The following MEGF8 variants were observed in gnomAD, a reference collection of about 807,000 sequenced individuals.
MEGF8 encodes multiple epidermal growth factor-like domains protein 8.
MEGF8 carries 156 observed loss-of-function variants against 302.9 expected under a neutral mutation model. The ratio of observed to expected loss-of-function variants is 0.52; its 90% CI spans 0.45 to 0.59. MEGF8 has a LOEUF of 0.59. Ranked by LOEUF, MEGF8 falls within the 20% of genes least tolerant of loss-of-function variation. The probability of loss-of-function intolerance (pLI) is 0.00; values close to 1 mark genes in which losing one functional copy is unlikely to be tolerated. For synonymous variants in MEGF8, 1,621 were observed against 1,660.5 expected (o/e 0.98, Z 0.58); for missense variants, 3,345 against 3,964.5 (o/e 0.84, Z 4.20).
Position 42,333,637 on chromosome 19 carries a change from T to A in MEGF8, c.220T>A (p.Phe74Ile), listed in dbSNP as rs2039083418. The change falls in exon 2 of 42, where the codon TTC becomes ATC. Residue 74 changes from phenylalanine to isoleucine, a missense_variant. Physicochemically the swap from Phe to Ile is conservative, Grantham distance 21 (BLOSUM62 0). Transcript: ENST00000251268. ...CCCCCAGCACCGGATCCTGCTGGAC[T>A]TCCTTTTCCTGGACACAGAGTGCAC... ...PSPQHRILLD[F>I]LFLDTECTYD... 2 of 1,613,852 alleles carry A rather than the reference T, an allele frequency of 1.2e-6. No individual in the cohort carries two copies. The highest frequency in any genetic ancestry group is 1.7e-6 in the Non-Finnish European group (2 of 1,179,870).
Position 42,353,407 on chromosome 19 carries a change from G to T in MEGF8, c.3551-58G>T. On this transcript the variant is annotated intron_variant, in intron 20 of 41. Coordinates refer to ENST00000251268, the MANE Select transcript of MEGF8 (RefSeq NM_001271938.2). The surrounding 1 kb of genome is among the most constrained non-coding windows in gnomAD (Gnocchi z 6.1). ...GGTCAGGGTTTAGCTGAGCCAGTAG[G>T]CCTGGGCCTGTTTCCACCCTTGACT... 1 of 1,563,550 alleles carries T rather than the reference G, an allele frequency of 6.4e-7. No homozygotes were observed. Among genetic ancestry groups the T allele is most frequent in the Middle Eastern group, 2.3e-4 (1 of 4,378 alleles).
At position 42,356,884 on chromosome 19, in the gene MEGF8, G is replaced by A. The variant is rs759275421; in HGVS notation, c.4733G>A (p.Arg1578His). The change falls in exon 27 of 42, where the codon CGT becomes CAT. Residue 1578 changes from arginine to histidine, a missense_variant. Transcript: ENST00000251268. This position sits in a 1 kb window ranked among gnomAD's most constrained non-coding sequence, Gnocchi z 5.2. ...FHAAAYVPAG[R>H]GAMYLLGGLT... is the part of the protein sequence containing the mutation. ...GCAGCCGCATATGTGCCCGCTGGCCGTGGTGCCATGTATCTGCTGGGGGGA... is the reference window on the plus strand; with the variant it reads ...GCAGCCGCATATGTGCCCGCTGGCCATGGTGCCATGTATCTGCTGGGGGGA... The A allele has an allele frequency of 1.3e-4, 206 of 1,603,618 alleles. No individual in the cohort carries two copies. The highest frequency in any genetic ancestry group is 1.2e-3 in the Middle Eastern group (7 of 6,068).
chr19:42,348,545 G>A, intron 13 of MEGF8, 73 bp downstream of exon 13: 6 of 1,368,078 alleles, frequency 4.4e-6, no homozygotes, highest in Non-Finnish European at 5.8e-6. Context: ...TAGAGCATCT[G>A]TGGTGATTTG....
chr19:42,330,573 C>G (rs2039042857), intron 1 of MEGF8, among the ~76,000 whole-genome samples: 1 of 152,180 alleles, frequency 6.6e-6, no homozygotes, highest in Non-Finnish European at 1.5e-5. Flanking sequence ...TGAGGGAGAG[C>G]TTCCAGCTTT....
chr19:42,372,070 A>AAAC (rs1312133057), intron 41 of MEGF8, among the ~76,000 whole-genome samples: 1 of 143,482 alleles, frequency 7.0e-6, no homozygotes, highest in African/African-American at 2.7e-5. Flanking sequence ...CAACAACAAC[A>AAAC]ACAAACACAC....
rs568182296 is a variant in MEGF8 at position 42,370,428 on chromosome 19, G to C, written c.7005+69G>C. 72 of 1,339,730 alleles carry C rather than the reference G, an allele frequency of 5.4e-5. No individual in the cohort carries two copies. In the African/African-American group the frequency reaches 9.5e-4, roughly 18 times the overall value. The allele number at this position is 1,339,730 out of a possible 1,614,324, so 83.0% of individuals were successfully genotyped here. On this transcript the variant is annotated intron_variant, in intron 39 of 41. Coordinates refer to ENST00000251268, the MANE Select transcript of MEGF8 (RefSeq NM_001271938.2). ...CTGGGGAGCTCCTGGGTCTGAGGGAGGAGGGGGCTGGAGACCTGGACCCTT... is the reference window on the plus strand; with the variant it reads ...CTGGGGAGCTCCTGGGTCTGAGGGACGAGGGGGCTGGAGACCTGGACCCTT...
At position 42,350,273 on chromosome 19, in the gene MEGF8, C is replaced by T; in HGVS notation, c.2625C>T (p.Arg875=). 2 of 1,611,336 alleles carry T rather than the reference C, an allele frequency of 1.2e-6. No homozygotes were observed. Among genetic ancestry groups the T allele is most frequent in the Non-Finnish European group, 1.7e-6 (2 of 1,179,844 alleles). ...WCLTSATCHL[R]QGGAHCGDDG... is the part of the protein sequence containing the mutation. ...TGACCAGTGCCACCTGCCACCTGCG[C>T]CAGGGCGGAGCCCATTGCGGGGATG... Residue 875 remains arginine, a synonymous_variant, in exon 15 of 42, where the codon CGC becomes CGT. Transcript: ENST00000251268.
chr19:42,359,124 A>G lies in MEGF8; in HGVS notation c.5370A>G (p.Ser1790=). ...KEPRPRLFHA[S]ALLGDTMVVL... ...CCCGCCCCCGGCTTTTCCACGCCTC[A>G]GCCCTGTTAGGGGACACCATGGTGG... Residue 1790 remains serine, a synonymous_variant, in exon 31 of 42, where the codon TCA becomes TCG. Transcript: ENST00000251268. 1 of 1,537,638 alleles carries G rather than the reference A, an allele frequency of 6.5e-7. No homozygotes were observed. The highest frequency in any genetic ancestry group is 8.7e-7 in the Non-Finnish European group (1 of 1,144,656).
chr19:42,346,380 A>AT (rs1249352840), intron 12 of MEGF8, among the ~76,000 whole-genome samples: 1 of 151,970 alleles, frequency 6.6e-6, no homozygotes, highest in African/African-American at 2.4e-5. Context: ...TGTCTCTACT[A>AT]AAACTACAAA....
rs1024732013 is a variant in MEGF8, at chr19:42,352,657, A to C, written c.3350+201A>C. The C allele has an allele frequency of 6.9e-6, 5 of 721,288 alleles. No individual in the cohort carries two copies. Among genetic ancestry groups the C allele is most frequent in the Non-Finnish European group, 1.1e-5 (5 of 448,794 alleles). 44.7% of individuals were successfully genotyped at this position (721,288 alleles called of 1,614,324 possible). On this transcript the variant is annotated intron_variant, in intron 19 of 41. Coordinates refer to ENST00000251268, the MANE Select transcript of MEGF8 (RefSeq NM_001271938.2). The surrounding 1 kb of genome is among the most constrained non-coding windows in gnomAD (Gnocchi z 4.4). ...ACCCTGGTTACCATGGAAATGGGGC[A>C]CCCATAGGCTGTGGGCCATAGTCTT... is the stretch of plus-strand genomic sequence containing the variant.
rs952145309 is a variant in MEGF8 at position 42,377,006 on chromosome 19, C to T, written c.*231C>T. The T allele has an allele frequency of 1.8e-5, 8 of 453,188 alleles. No homozygotes were observed. In the South Asian group the frequency reaches 2.2e-4, roughly 12 times the overall value. 28.1% of individuals were successfully genotyped at this position (453,188 alleles called of 1,614,324 possible). ...GTGGGGCAAAGCAGGAACCAAGAGA[C>T]GAGGTTCCCTGATCTCATGGGACTT... On this transcript the variant is annotated 3_prime_UTR_variant, in exon 42 of 42. Transcript: ENST00000251268.
chr19:42,361,250 G>C (rs1255735385), intron 32 of MEGF8, among the ~76,000 whole-genome samples: 2 of 152,190 alleles, frequency 1.3e-5, no homozygotes, highest in Admixed American at 1.3e-4. Context: ...CGGTAGAGTT[G>C]AGACCATCAG....
chr19:42,370,280 A>G lies in MEGF8; in HGVS notation c.6926A>G (p.Asn2309Ser). 1.2e-6 allele frequency: 2 copies of G among 1,613,910 alleles called. No individual in the cohort carries two copies. Among genetic ancestry groups the G allele is most frequent in the Non-Finnish European group, 1.7e-6 (2 of 1,179,866 alleles). Reference protein sequence around the residue: ...CRPCHAFCRGNSHICISRKEL... With the variant: ...CRPCHAFCRGSSHICISRKEL... ...CCCTGCCACGCCTTTTGTCGTGGAA[A>G]TAGCCACATCTGCATCTCCAGGAAG... is the stretch of plus-strand genomic sequence containing the variant. Residue 2309 changes from asparagine to serine, a missense_variant, in exon 39 of 42, where the codon AAT becomes AGT. By Grantham distance (46) the Asn-to-Ser change is conservative. Transcript: ENST00000251268.
intron 38 of MEGF8, 45 bp from the exon 39 acceptor site, chr19:42,370,143 CT>C: frequency 1.3e-6 from 2 of 1,566,892 alleles, no homozygotes; most frequent in Non-Finnish European, 1.7e-6. Flanking sequence ...CCTCCTACCC[CT>C]GATGACTCTC....
intron 32 of MEGF8, among the ~76,000 whole-genome samples, chr19:42,361,366 A>C (rs1199086876): frequency 6.6e-6 from 1 of 152,182 alleles, no homozygotes; most frequent in Non-Finnish European, 1.5e-5. Context: ...CAGATCCTTC[A>C]GCTGCGGTTC....
At position 42,326,405 on chromosome 19, in the gene MEGF8, T is replaced by C; in HGVS notation, c.162T>C (p.Asn54=). The C allele has an allele frequency of 1.3e-6, 2 of 1,569,216 alleles. No homozygotes were observed. The highest frequency in any genetic ancestry group is 1.7e-6 in the Non-Finnish European group (2 of 1,162,240). The part of the protein sequence containing the change: ...VTDGAGNYSV[N]GNCEWLIEAP... ...ATGGTGCGGGCAACTACAGCGTCAA[T>C]GGCAACTGCGAGTGGCTCATCGAGG... Residue 54 remains asparagine, a synonymous_variant, in exon 1 of 42, where the codon AAT becomes AAC. Transcript: ENST00000251268.
rs747682702 is a variant in MEGF8 at position 42,359,082 on chromosome 19, C to A, written c.5344-16C>A. ...GACAGGCTGTCCTGTCCCCCCACCCCCCGTCTCCCCAACAGCCCCGCCCCC... is the reference window on the plus strand; with the variant it reads ...GACAGGCTGTCCTGTCCCCCCACCCACCGTCTCCCCAACAGCCCCGCCCCC... On this transcript the variant is annotated splice_polypyrimidine_tract_variant and intron_variant, in intron 30 of 41. Transcript: ENST00000251268. 89 of 1,508,792 alleles carry A rather than the reference C, an allele frequency of 5.9e-5. No homozygotes were observed. Among genetic ancestry groups the A allele is most frequent in the Non-Finnish European group, 7.2e-5 (81 of 1,124,576 alleles). 93.5% of individuals were successfully genotyped at this position (1,508,792 alleles called of 1,614,324 possible). A position where few individuals can be genotyped will look rare whatever the true frequency, so the allele number is the denominator to read the frequency against.
chr19:42,328,383 G>A (rs2039012495), intron 1 of MEGF8, among the ~76,000 whole-genome samples: 1 of 152,178 alleles, frequency 6.6e-6, no homozygotes, highest in Non-Finnish European at 1.5e-5. Flanking sequence ...TTGTCTGGGG[G>A]CTCTGGGGAG....
In MEGF8 at chr19:42,344,583, C is replaced by G; in HGVS notation, c.1931C>G (p.Pro644Arg). The change falls in exon 11 of 42, where the codon CCT (proline) becomes CGT (arginine). Residue 644 changes from proline to arginine, a missense_variant and splice_region_variant. Coordinates refer to ENST00000251268, the MANE Select transcript of MEGF8 (RefSeq NM_001271938.2). The surrounding 1 kb of genome is among the most constrained non-coding windows in gnomAD (Gnocchi z 4.5). Reference sequence around the variant, plus strand: ...CACAATGAGAGCTGCCTCCCTAGGCCTGGTGAGTGTCCGCAGCAGTGGGCC... The same window carrying G: ...CACAATGAGAGCTGCCTCCCTAGGCGTGGTGAGTGTCCGCAGCAGTGGGCC... ...CVHNESCLPR[P>R]EQARCRGEQI... 1.3e-6 allele frequency: 2 copies of G among 1,591,722 alleles called. No homozygotes were observed. The highest frequency in any genetic ancestry group is 1.7e-6 in the Non-Finnish European group (2 of 1,170,372).
Sources: allele counts gnomAD v4.1 joint callset (sites outside exome capture counted in the v4.1 genomes callset), GRCh38; gene constraint gnomAD v4.1.1; non-coding constraint Gnocchi (gnomAD v3.1); transcripts MANE v1.5; gene names NCBI Gene and HGNC (gene_info 2026-07-23, HGNC 2026-07-21).